Variants in LANCL3 observed in about 807,000 individuals in gnomAD.
LANCL3 encodes the protein lanC-like protein 3.
A neutral mutation model predicts 26.5 loss-of-function variants in LANCL3; 19 were observed. The observed-to-expected ratio is 0.72, with a 90% CI of 0.50 to 1.05. The LOEUF (loss-of-function observed/expected upper bound fraction) is 1.05, where lower values mean the gene tolerates loss of function less well. Ranked by LOEUF, LANCL3 falls within the 50% of genes least tolerant of loss-of-function variation. The pLI is 0.00. For synonymous variants in LANCL3, 160 were observed against 166.6 expected, an observed-to-expected ratio of 0.96 and a Z score of 0.30; for missense variants, 318 against 362.7, an observed-to-expected ratio of 0.88 and a Z score of 1.00.
At chrX:37,637,440 A>G (rs1489798598) in intron 1 of LANCL3, among the ~76,000 whole-genome samples, 1 of 111,750 alleles carries the variant, frequency 8.9e-6, no homozygotes, top group Non-Finnish European at 1.9e-5. Flanking sequence ...TGTCAGTGTA[A>G]ATATGCTAGG....
At chrX:37,652,159 G>T (rs1444184737) in intron 1 of LANCL3, among the ~76,000 whole-genome samples, 1 of 111,084 alleles carries the variant, frequency 9.0e-6, no homozygotes, top group Admixed American at 9.6e-5. Flanking sequence ...GATGGGGGAG[G>T]GGCAGGAGGT....
In LANCL3 at chrX:37,571,820, G is replaced by A; in HGVS notation, c.-51G>A. 9.2e-7 allele frequency: 1 copy of A among 1,091,863 alleles called. No individual in the cohort carries two copies. Among genetic ancestry groups the A allele is most frequent in the Non-Finnish European group, 1.2e-6 (1 of 809,948 alleles). 90.0% of individuals were successfully genotyped at this position (1,091,863 alleles called of 1,213,427 possible). ...CGGAGGTGGTGTGCGGGGCTGCAGG[G>A]CACGACTTCAAGCGGTCCTCAGCTC... On this transcript the variant is annotated 5_prime_UTR_variant, in exon 1 of 5. Coordinates refer to ENST00000378619, the MANE Select transcript of LANCL3 (RefSeq NM_001170331.2).
At chrX:37,579,407 C>T (rs1333084148) in intron 1 of LANCL3, among the ~76,000 whole-genome samples, 1 of 111,717 alleles carries the variant, frequency 9.0e-6, no homozygotes, top group Non-Finnish European at 1.9e-5. Context: ...TACTACTTTT[C>T]TGATCTGATA....
intron 1 of LANCL3, among the ~76,000 whole-genome samples, chrX:37,642,545 A>G (rs1370982731): frequency 2.7e-5 from 3 of 110,812 alleles, no homozygotes; most frequent in Non-Finnish European, 5.7e-5. Context: ...GGCCTCACAT[A>G]TATATTCAAG....
chrX:37,607,033 A>G (rs1182630016), intron 1 of LANCL3, among the ~76,000 whole-genome samples: 1 of 112,386 alleles, frequency 8.9e-6, no homozygotes, highest in Non-Finnish European at 1.9e-5. Context: ...AATAAATGCA[A>G]CATTGCCTTT....
chrX:37,590,962 A>G lies in LANCL3; in HGVS notation c.573+18519A>G, dbSNP rs782169520. ...TTCGAGAACGAATTTCTTAGACTGT[A>G]CCCTTAACCTTGGCCAAACATCTCT... On this transcript the variant is annotated intron_variant, in intron 1 of 4. Transcript: ENST00000378619. 2.7e-5 allele frequency among the ~76,000 whole-genome samples: 3 copies of G among 111,830 alleles called. No homozygotes were observed. The South Asian group carries it at 1.1e-3, about 42-fold the overall frequency.
chrX:37,640,003 G>T (rs1402207087), intron 1 of LANCL3, among the ~76,000 whole-genome samples: 1 of 112,000 alleles, frequency 8.9e-6, no homozygotes, highest in Non-Finnish European at 1.9e-5. Context: ...GCAACACGAG[G>T]TGACGGTACA....
At chrX:37,600,057 G>A (rs1227920872) in intron 1 of LANCL3, among the ~76,000 whole-genome samples, 4 of 111,802 alleles carry the variant, frequency 3.6e-5, no homozygotes, top group Non-Finnish European at 7.5e-5. Context: ...TGTTATCATT[G>A]TCATCTTAAA....
At chrX:37,572,951 A>G (rs1193465408) in intron 1 of LANCL3, among the ~76,000 whole-genome samples, 1 of 112,163 alleles carries the variant, frequency 8.9e-6, no homozygotes, top group African/African-American at 3.2e-5. Flanking sequence ...TTTGCTTACT[A>G]TTCAGTTCAA....
rs1923634158 is a variant in LANCL3 at position 37,572,593 on chromosome X, G to A, written c.573+150G>A. 4 of 475,071 alleles carry A rather than the reference G, an allele frequency of 8.4e-6. No homozygotes were observed. In the South Asian group the frequency reaches 1.3e-4, roughly 15 times the overall value. The allele number at this position is 475,071 out of a possible 1,213,427, so 39.2% of individuals were successfully genotyped here. A position where few individuals can be genotyped will look rare whatever the true frequency, so the allele number is the denominator to read the frequency against. Reference sequence around the variant, plus strand: ...GCTAGCATTTCTTCAGTCCCTTGAGGTCTATCTCCTGCTTTTGTCCCTCTT... The same window carrying A: ...GCTAGCATTTCTTCAGTCCCTTGAGATCTATCTCCTGCTTTTGTCCCTCTT... On this transcript the variant is annotated intron_variant, in intron 1 of 4. Transcript: ENST00000378619.
In LANCL3 at chrX:37,571,970, A is replaced by G. The variant is rs1556415523; in HGVS notation, c.100A>G (p.Thr34Ala). ...EEAVAPLVTATIERILQELPP... is the reference protein window; with the variant it reads ...EEAVAPLVTAAIERILQELPP... ...GGCGGTGGCGCCCTTGGTCACCGCCACCATCGAGCGCATCCTCCAGGAGCT... is the reference window on the plus strand; with the variant it reads ...GGCGGTGGCGCCCTTGGTCACCGCCGCCATCGAGCGCATCCTCCAGGAGCT... The change falls in exon 1 of 5, where the codon ACC becomes GCC. Residue 34 changes from threonine (T) to alanine (A), a missense_variant. Physicochemically the swap from Thr to Ala is moderately conservative, Grantham distance 58. Coordinates refer to ENST00000378619, the MANE Select transcript of LANCL3 (RefSeq NM_001170331.2). 1 of 1,197,575 alleles carries G rather than the reference A, an allele frequency of 8.4e-7. No homozygotes were observed. The highest frequency in any genetic ancestry group is 1.8e-5 in the African/African-American group (1 of 57,129).
chrX:37,595,465 G>A (rs1924399307), intron 1 of LANCL3, among the ~76,000 whole-genome samples: 1 of 111,967 alleles, frequency 8.9e-6, no homozygotes, highest in Non-Finnish European at 1.9e-5. Context: ...ATTCTTAGTT[G>A]GTCATGAATA....
At chrX:37,593,635 A>G (rs1329089978) in intron 1 of LANCL3, among the ~76,000 whole-genome samples, 1 of 112,373 alleles carries the variant, frequency 8.9e-6, no homozygotes, top group African/African-American at 3.2e-5. Context: ...TAAAACAATG[A>G]ACATGTATTT....
intron 1 of LANCL3, among the ~76,000 whole-genome samples, chrX:37,620,884 G>A (rs1925136247): frequency 1.8e-5 from 2 of 111,435 alleles, no homozygotes; most frequent in South Asian, 7.6e-4. Context: ...AACCCCACAT[G>A]CCTCACTTAG....
chrX:37,587,771 T>C (rs1924147765), intron 1 of LANCL3, among the ~76,000 whole-genome samples: 1 of 112,292 alleles, frequency 8.9e-6, no homozygotes, highest in Non-Finnish European at 1.9e-5. Context: ...CACCCTGCTT[T>C]GGCTCACACT....
chrX:37,621,778 A>G (rs781999246), intron 1 of LANCL3, among the ~76,000 whole-genome samples: 99 of 112,046 alleles, frequency 8.8e-4, no homozygotes, highest in Non-Finnish European at 1.5e-3. Flanking sequence ...AGGGATGTGA[A>G]GGAACTTGGA....
At position 37,679,500 on chromosome X, in the gene LANCL3, C is replaced by T. The variant is rs948774611; in HGVS notation, c.*3687C>T. ...TTGCTGAGAACAAAGGATTACAGTG[C>T]CAATAACTCAAGAAAAGGAGCAGGC... On this transcript the variant is annotated 3_prime_UTR_variant, in exon 5 of 5. Transcript: ENST00000378619. The T allele has an allele frequency of 9.0e-6, 1 of 111,428 alleles. No homozygotes were observed. The allele number at this position is 111,428 out of a possible 1,213,427, so 9.2% of individuals were successfully genotyped here. A position where few individuals can be genotyped will look rare whatever the true frequency, so the allele number is the denominator to read the frequency against.
chrX:37,586,790 C>T lies in LANCL3; in HGVS notation c.573+14347C>T, dbSNP rs190629207. 5.3e-5 allele frequency among the ~76,000 whole-genome samples: 6 copies of T among 112,365 alleles called. No homozygotes were observed. The East Asian group carries it at 1.7e-3, about 31-fold the overall frequency. On this transcript the variant is annotated intron_variant, in intron 1 of 4. Coordinates refer to ENST00000378619, the MANE Select transcript of LANCL3 (RefSeq NM_001170331.2). ...GTTTGATCGTCTGAAGCCTTCTTCTCTCAACTCATCAAAGTCATTCTCTGT... is the reference window on the plus strand; with the variant it reads ...GTTTGATCGTCTGAAGCCTTCTTCTTTCAACTCATCAAAGTCATTCTCTGT...
At chrX:37,671,900 C>T (rs1406932976) in intron 4 of LANCL3, among the ~76,000 whole-genome samples, 1 of 111,583 alleles carries the variant, frequency 9.0e-6, no homozygotes, top group African/African-American at 3.3e-5. Context: ...ATAATTGATT[C>T]ATGGTTTCTT....
Sources: gnomAD v4.1 joint callset for allele counts (sites outside exome capture counted in the v4.1 genomes callset) on GRCh38, gnomAD v4.1.1 for gene constraint, MANE v1.5 for transcripts, NCBI Gene and HGNC (gene_info 2026-07-23, HGNC 2026-07-21) for gene names.